C5orf46: variants seen among roughly 807,000 people sequenced by gnomAD.
C5orf46 encodes uncharacterized protein C5orf46.
C5orf46 carries 9 observed loss-of-function variants against 8.9 expected under a neutral mutation model. The ratio of observed to expected loss-of-function variants is 1.01; its 90% CI spans 0.61 to 1.76. The LOEUF (loss-of-function observed/expected upper bound fraction) is 1.76. Ranked by LOEUF, C5orf46 falls within the 40% of genes most tolerant of loss-of-function variation. C5orf46 has a pLI of 0.00. For synonymous variants in C5orf46, 47 were observed against 41.4 expected (o/e 1.14, Z -0.52); for missense variants, 98 against 107.8 (o/e 0.91, Z 0.40).
chr5:147,887,976 A>G (rs1322733866), downstream of C5orf46, among the ~76,000 whole-genome samples: 2 of 152,196 alleles, frequency 1.3e-5, no homozygotes, highest in African/African-American at 2.4e-5. Flanking sequence ...CAAACCATGC[A>G]TTAGGTGTCA....
chr5:147,892,028 T>C (rs979378898), downstream of C5orf46, among the ~76,000 whole-genome samples: 2 of 152,220 alleles, frequency 1.3e-5, no homozygotes, highest in African/African-American at 2.4e-5. Flanking sequence ...AAACCCAAGA[T>C]AGCTTTTGAG....
At chr5:147,905,773 T>TCTG (rs1757742481) in intron 1 of C5orf46, among the ~76,000 whole-genome samples, 1 of 152,196 alleles carries the variant, frequency 6.6e-6, no homozygotes, top group Admixed American at 6.5e-5. Flanking sequence ...GTATGTATGC[T>TCTG]CAAGTAACTT....
At chr5:147,888,211 T>G (rs1757451545), downstream of C5orf46, among the ~76,000 whole-genome samples, 1 of 152,204 alleles carries the variant, frequency 6.6e-6, no homozygotes, top group African/African-American at 2.4e-5. Flanking sequence ...TCTTGAATCC[T>G]TCCACATGGT....
intron 2 of C5orf46, chr5:147,886,788 G>C (rs1360277533): frequency 6.6e-6 from 1 of 151,686 alleles, no homozygotes; most frequent in Non-Finnish European, 1.5e-5. Context: ...ATTATAAAAA[G>C]TGCTATAGTG....
intron 3 of C5orf46, among the ~76,000 whole-genome samples, chr5:147,893,455 T>G (rs1009981666): frequency 2.6e-5 from 4 of 151,800 alleles, no homozygotes; most frequent in Non-Finnish European, 5.9e-5. Context: ...TGGCTAATTT[T>G]TTGTATTTTT....
At chr5:147,899,312 C>T (rs1757632136) in intron 2 of C5orf46, among the ~76,000 whole-genome samples, 1 of 152,134 alleles carries the variant, frequency 6.6e-6, no homozygotes, top group African/African-American at 2.4e-5. Context: ...ATGTTAAGTG[C>T]TTAGCAATAC....
At chr5:147,902,143 T>C (rs1283170623) in intron 1 of C5orf46, among the ~76,000 whole-genome samples, 1 of 152,086 alleles carries the variant, frequency 6.6e-6, no homozygotes, top group African/African-American at 2.4e-5. Flanking sequence ...ATGCCCATGG[T>C]AATAATAATA....
chr5:147,903,282 A>T (rs776645868), intron 1 of C5orf46, among the ~76,000 whole-genome samples: 4 of 152,202 alleles, frequency 2.6e-5, no homozygotes, highest in Non-Finnish European at 5.9e-5. Context: ...GTTAAATTTA[A>T]ATTTCAGATA....
At chr5:147,889,097 T>G (rs1757466116), downstream of C5orf46, among the ~76,000 whole-genome samples, 1 of 152,112 alleles carries the variant, frequency 6.6e-6, no homozygotes, top group South Asian at 2.1e-4. Context: ...GTGCATGTGC[T>G]TATACATATA....
chr5:147,889,023 G>T (rs13436526), downstream of C5orf46, among the ~76,000 whole-genome samples: 5,224 of 151,806 alleles, frequency 0.034, 294 homozygotes, highest in African/African-American at 0.12. Flanking sequence ...CTTTGATCTT[G>T]CAATTCAATT....
chr5:147,890,513 A>G (rs1757487191), downstream of C5orf46, among the ~76,000 whole-genome samples: 1 of 152,196 alleles, frequency 6.6e-6, no homozygotes, highest in Non-Finnish European at 1.5e-5. Context: ...ATATTAAAAA[A>G]TATATATCCA....
chr5:147,893,727 A>G (rs1285220315), intron 3 of C5orf46, among the ~76,000 whole-genome samples: 1 of 151,714 alleles, frequency 6.6e-6, no homozygotes, highest in Admixed American at 6.6e-5. Flanking sequence ...TTTTTAGTAG[A>G]GACAGTGTTT....
rs554215760 is a variant in C5orf46 at position 147,900,490 on chromosome 5, C to T, written c.215+1139G>A. 1.4e-4 allele frequency among the ~76,000 whole-genome samples: 22 copies of T among 152,264 alleles called. No homozygotes were observed. In the South Asian group the frequency reaches 2.9e-3, roughly 20 times the overall value. On this transcript the variant is annotated intron_variant, in intron 2 of 3. Transcript: ENST00000318315. ...CAAAAATAAATAAATAAATAAATCACACTGACACAAAATATTAATAAAAAT... is the reference window on the plus strand; with the variant it reads ...CAAAAATAAATAAATAAATAAATCATACTGACACAAAATATTAATAAAAAT...
chr5:147,892,806 T>C lies in C5orf46; in HGVS notation c.*143A>G, dbSNP rs187637719. ...GTGTTCAAAATGAGTTCTGTTTGGTTGAAGCCAGAGCCTGAATCCTGAGAA... is the reference window on the plus strand; with the variant it reads ...GTGTTCAAAATGAGTTCTGTTTGGTCGAAGCCAGAGCCTGAATCCTGAGAA... On this transcript the variant is annotated 3_prime_UTR_variant, in exon 4 of 4. Transcript: ENST00000318315. 59 of 152,304 alleles carry C rather than the reference T, an allele frequency of 3.9e-4. 1 individual carries two copies. In the East Asian group the frequency reaches 9.3e-3, roughly 24 times the overall value. 9.4% of individuals were successfully genotyped at this position (152,304 alleles called of 1,614,324 possible). A position where few individuals can be genotyped will look rare whatever the true frequency, so the allele number is the denominator to read the frequency against.
At chr5:147,906,151 G>A (rs574968482) in intron 1 of C5orf46, among the ~76,000 whole-genome samples, 6 of 152,162 alleles carry the variant, frequency 3.9e-5, no homozygotes, top group Middle Eastern at 3.4e-3. Flanking sequence ...ATAAATGCCA[G>A]TCAGCTCCCA....
At chr5:147,887,888 G>A (rs1757444748), downstream of C5orf46, among the ~76,000 whole-genome samples, 1 of 152,142 alleles carries the variant, frequency 6.6e-6, no homozygotes, top group African/African-American at 2.4e-5. Flanking sequence ...GGAGAACTTG[G>A]CTTCTTCAAA....
intron 3 of C5orf46, among the ~76,000 whole-genome samples, chr5:147,894,442 T>C (rs1199382391): frequency 1.3e-5 from 2 of 152,180 alleles, no homozygotes; most frequent in African/African-American, 4.8e-5. Flanking sequence ...ATTGGATATT[T>C]TTCCAAATAC....
At chr5:147,895,374 A>T (rs570088606) in intron 3 of C5orf46, among the ~76,000 whole-genome samples, 1 of 152,312 alleles carries the variant, frequency 6.6e-6, no homozygotes, top group South Asian at 2.1e-4. Flanking sequence ...CTCCCTGCTC[A>T]TCAGGGCATC....
At chr5:147,904,830 T>C (rs1757725001) in intron 1 of C5orf46, among the ~76,000 whole-genome samples, 1 of 139,200 alleles carries the variant, frequency 7.2e-6, no homozygotes, top group Non-Finnish European at 1.5e-5. Flanking sequence ...ATTATATATC[T>C]ATATATATAT....
Sources: gnomAD v4.1 joint callset for allele counts (sites outside exome capture counted in the v4.1 genomes callset) on GRCh38, gnomAD v4.1.1 for gene constraint, MANE v1.5 for transcripts, NCBI Gene and HGNC (gene_info 2026-07-23, HGNC 2026-07-21) for gene names.